Variants in ARHGAP44 observed in about 807,000 individuals in gnomAD.
ARHGAP44 encodes the protein Rho GTPase activating protein 44, also known as rho GTPase-activating protein 44.
A neutral mutation model predicts 106.8 loss-of-function variants in ARHGAP44; 43 were observed. The observed-to-expected ratio is 0.40, with a 90% CI of 0.32 to 0.52. The LOEUF (loss-of-function observed/expected upper bound fraction) is 0.52, where lower values mean the gene tolerates loss of function less well. Ranked by LOEUF, ARHGAP44 falls within the 20% of genes least tolerant of loss-of-function variation. The pLI is 0.48. For synonymous variants in ARHGAP44, 439 were observed against 410.3 expected (o/e 1.07, Z -0.85); for missense variants, 866 against 1,050.5 (o/e 0.82, Z 2.43).
chr17:12,803,238 C>G (rs2034175573), intron 1 of ARHGAP44, among the ~76,000 whole-genome samples: 2 of 151,702 alleles, frequency 1.3e-5, no homozygotes, highest in African/African-American at 4.8e-5. Context: ...TCCCAAAGTG[C>G]TGGGATTACA....
intron 1 of ARHGAP44, among the ~76,000 whole-genome samples, chr17:12,808,888 C>G (rs548023701): frequency 6.6e-6 from 1 of 152,192 alleles, no homozygotes; most frequent in Non-Finnish European, 1.5e-5. Context: ...CTCTTTTAAA[C>G]GTAAGTTTCA....
intron 1 of ARHGAP44, among the ~76,000 whole-genome samples, chr17:12,799,627 C>T (rs1669600550): frequency 6.6e-6 from 1 of 152,134 alleles, no homozygotes; most frequent in South Asian, 2.1e-4. Context: ...TTTCTCTCCG[C>T]TTCCACTGCT....
At chr17:12,842,697 A>G (rs1027115491) in intron 1 of ARHGAP44, among the ~76,000 whole-genome samples, 1 of 152,174 alleles carries the variant, frequency 6.6e-6, no homozygotes, top group Non-Finnish European at 1.5e-5. Flanking sequence ...CTAGCATGTG[A>G]TGTTGACTAA....
chr17:12,971,143 C>T (rs571260463), intron 16 of ARHGAP44, among the ~76,000 whole-genome samples: 5 of 152,116 alleles, frequency 3.3e-5, no homozygotes, highest in African/African-American at 9.7e-5. Flanking sequence ...AGAAGTAGCA[C>T]GTTGAACCCA....
chr17:12,954,681 A>G (rs1178024038), intron 13 of ARHGAP44, among the ~76,000 whole-genome samples: 1 of 151,880 alleles, frequency 6.6e-6, no homozygotes, highest in Non-Finnish European at 1.5e-5. Context: ...AGCCTATTGT[A>G]ACTGAGAGGC....
chr17:12,955,830 G>T (rs371320407), intron 13 of ARHGAP44, 37 bp from the exon 14 acceptor site: 1 of 1,368,524 alleles, frequency 7.3e-7, no homozygotes. Flanking sequence ...CTGGTGTTGA[G>T]CCTTGGTTAA....
rs1598104058 is a variant in ARHGAP44 at position 12,949,324 on chromosome 17, A to G, written c.973+73A>G. ...GGGGTAGAGGGGAGGCTGTGTGGCT[A>G]CAAGTCCAGGACACTCAAGTCAGTG... On this transcript the variant is annotated intron_variant, in intron 11 of 20. Coordinates refer to ENST00000379672, the MANE Select transcript of ARHGAP44 (RefSeq NM_014859.6). The surrounding 1 kb of genome is among the most constrained non-coding windows in gnomAD (Gnocchi z 4.1). 13 of 1,457,182 alleles carry G rather than the reference A, an allele frequency of 8.9e-6. No homozygotes were observed. In the East Asian group the frequency reaches 1.5e-4, roughly 17 times the overall value. The allele number at this position is 1,457,182 out of a possible 1,614,324, so 90.3% of individuals were successfully genotyped here.
intron 4 of ARHGAP44, among the ~76,000 whole-genome samples, chr17:12,912,965 A>G (rs934064053): frequency 6.6e-6 from 1 of 152,204 alleles, no homozygotes; most frequent in African/African-American, 2.4e-5. Flanking sequence ...TAGACTCAAG[A>G]TAACAGAATG....
Position 12,986,821 on chromosome 17 carries a change from G to A in ARHGAP44, c.2317+1913G>A, listed in dbSNP as rs190289865. 4.0e-4 allele frequency: 141 copies of A among 352,934 alleles called. 1 individual carries two copies. The highest frequency in any genetic ancestry group is 2.3e-3 in the African/African-American group (112 of 47,962). 21.9% of individuals were successfully genotyped at this position (352,934 alleles called of 1,614,324 possible). On this transcript the variant is annotated intron_variant, in intron 20 of 20. Coordinates refer to ENST00000379672, the MANE Select transcript of ARHGAP44 (RefSeq NM_014859.6). Reference sequence around the variant, plus strand: ...CAGCACCCCCAGGGCTCTAAGAAGCGGAGTGGCTCATGTTCCATCTTGCAG... The same window carrying A: ...CAGCACCCCCAGGGCTCTAAGAAGCAGAGTGGCTCATGTTCCATCTTGCAG...
At chr17:12,797,017 A>C (rs1284313141) in intron 1 of ARHGAP44, among the ~76,000 whole-genome samples, 1 of 151,996 alleles carries the variant, frequency 6.6e-6, no homozygotes, top group African/African-American at 2.4e-5. Flanking sequence ...TTTCTTATTG[A>C]TGTTAAGGTA....
intron 19 of ARHGAP44, among the ~76,000 whole-genome samples, chr17:12,981,392 G>T (rs1049703311): frequency 2.2e-4 from 32 of 142,408 alleles, no homozygotes; most frequent in African/African-American, 8.4e-4. Flanking sequence ...CCATATTCTT[G>T]GTTATGTCTT....
chr17:12,974,369 T>C lies in ARHGAP44; in HGVS notation c.1763+59T>C, dbSNP rs1443543584. On this transcript the variant is annotated intron_variant, in intron 18 of 20. Transcript: ENST00000379672. ...GTGTGCGGTGCAGGGGGTGTCTGGG[T>C]TGGCCGCACTGGAGGCCTCTTGGAT... 3.1e-6 allele frequency: 4 copies of C among 1,302,520 alleles called. No individual in the cohort carries two copies. In the African/African-American group the frequency reaches 6.3e-5, roughly 20 times the overall value. The allele number at this position is 1,302,520 out of a possible 1,614,324, so 80.7% of individuals were successfully genotyped here.
At chr17:12,813,118 T>C (rs1286436859) in intron 1 of ARHGAP44, among the ~76,000 whole-genome samples, 1 of 152,118 alleles carries the variant, frequency 6.6e-6, no homozygotes, top group Non-Finnish European at 1.5e-5. Flanking sequence ...CCACGCTATG[T>C]TTTATGTTTT....
At chr17:12,831,948 T>C (rs1445706253) in intron 1 of ARHGAP44, among the ~76,000 whole-genome samples, 1 of 152,128 alleles carries the variant, frequency 6.6e-6, no homozygotes, top group African/African-American at 2.4e-5. Context: ...AGAGAGGAGT[T>C]TGGATGATGC....
chr17:12,915,749 A>G, intron 4 of ARHGAP44, 151 bp from the exon 5 acceptor site: 1 of 620,138 alleles, frequency 1.6e-6, no homozygotes. Flanking sequence ...GAGCTGGAAC[A>G]GGTTGGCCCA....
chr17:12,932,859 G>A (rs1391691494), intron 7 of ARHGAP44, among the ~76,000 whole-genome samples: 1 of 151,958 alleles, frequency 6.6e-6, no homozygotes, highest in Non-Finnish European at 1.5e-5. Context: ...CACCTGAGAC[G>A]ATAGTATACA....
At chr17:12,865,162 A>G (rs567990303) in intron 1 of ARHGAP44, among the ~76,000 whole-genome samples, 3 of 152,330 alleles carry the variant, frequency 2.0e-5, no homozygotes, top group Non-Finnish European at 2.9e-5. Flanking sequence ...GGATAAAGAG[A>G]AAGTTTTATG....
rs1032764128 is a variant in ARHGAP44, at chr17:12,990,227, C to A, written c.*56C>A. On this transcript the variant is annotated 3_prime_UTR_variant, in exon 21 of 21. Transcript: ENST00000379672. ...CATACATCACGGGCCCTAGGAACGC[C>A]GCCAGGAGCAGCGTCCATGAGCTTG... The A allele has an allele frequency of 6.4e-7, 1 of 1,568,090 alleles. No homozygotes were observed. Among genetic ancestry groups the A allele is most frequent in the Non-Finnish European group, 8.7e-7 (1 of 1,147,706 alleles).
At chr17:12,815,454 A>C (rs2034571778) in intron 1 of ARHGAP44, among the ~76,000 whole-genome samples, 1 of 152,224 alleles carries the variant, frequency 6.6e-6, no homozygotes, top group South Asian at 2.1e-4. Flanking sequence ...ATAGCACATA[A>C]CAAAGAGGTA....
Sources: allele counts gnomAD v4.1 joint callset (sites outside exome capture counted in the v4.1 genomes callset), GRCh38; gene constraint gnomAD v4.1.1; non-coding constraint Gnocchi (gnomAD v3.1); transcripts MANE v1.5; gene names NCBI Gene and HGNC (gene_info 2026-07-23, HGNC 2026-07-21).